CD68: variants seen among roughly 807,000 people sequenced by gnomAD.
The protein encoded by CD68 is CD68 molecule, also known as macrosialin.
Under a neutral mutation model 31.3 loss-of-function variants are expected in CD68, and 24 were observed. That is an observed-to-expected ratio of 0.77 (90% CI 0.55 to 1.08). CD68 has a LOEUF of 1.08. Among genes scored for constraint, CD68 ranks in the 50% least tolerant of loss-of-function variants. CD68 has a pLI of 0.00. For synonymous variants in CD68, 190 were observed against 179.6 expected (o/e 1.06, Z -0.46); for missense variants, 461 against 442.5 (o/e 1.04, Z -0.38).
Position 7,580,938 on chromosome 17 carries a change from A to T in CD68, c.803A>T (p.Gln268Leu). ...SAQNASLRDLQAPLGQSFSCS... is the reference protein window; with the variant it reads ...SAQNASLRDLLAPLGQSFSCS... ...CAGAATGCATCCCTTCGAGATCTCC[A>T]AGCACCCCTGGGGCAGAGCTTCAGT... is the stretch of plus-strand genomic sequence containing the variant. The change falls in exon 5 of 6, where the codon CAA becomes CTA. Residue 268 changes from glutamine to leucine, a missense_variant. Coordinates refer to ENST00000250092, the MANE Select transcript of CD68 (RefSeq NM_001251.3). The surrounding 1 kb of genome is among the most constrained non-coding windows in gnomAD (Gnocchi z 4.3). 1 of 1,613,864 alleles carries T rather than the reference A, an allele frequency of 6.2e-7. No homozygotes were observed. The highest frequency in any genetic ancestry group is 2.2e-5 in the East Asian group (1 of 44,856).
At position 7,580,419 on chromosome 17, in the gene CD68, C is replaced by A. The variant is rs201340073; in HGVS notation, c.568-47C>A. On this transcript the variant is annotated intron_variant, in intron 2 of 5. Transcript: ENST00000250092. The surrounding 1 kb of genome is among the most constrained non-coding windows in gnomAD (Gnocchi z 4.3). ...GGAAGAGGGGACAGGGAACCTTGGC[C>A]GGCATCGCATGCAGTCTTGTGACCT... The A allele has an allele frequency of 2.5e-6, 4 of 1,611,376 alleles. No homozygotes were observed. The African/African-American group carries it at 5.3e-5, about 22-fold the overall frequency.
chr17:7,581,099 C>T (rs1247600427), intron 5 of CD68, 33 bp downstream of exon 5: 4 of 1,579,344 alleles, frequency 2.5e-6, no homozygotes, highest in Non-Finnish European at 3.5e-6. Context: ...CTCCTAGAAT[C>T]CTCCCACTGC....
Position 7,579,886 on chromosome 17 carries a change from TAC to T in CD68, c.128_129del (p.Thr43ArgfsTer54). 1 of 1,613,694 alleles carries T rather than the reference TAC, an allele frequency of 6.2e-7. No homozygotes were observed. The highest frequency in any genetic ancestry group is 8.5e-7 in the Non-Finnish European group (1 of 1,179,920). On this transcript the variant is annotated frameshift_variant, in exon 2 of 6. Coordinates refer to ENST00000250092, the MANE Select transcript of CD68 (RefSeq NM_001251.3). LOFTEE classifies it high-confidence loss of function. ...LPSFTVTPTV[T>X]ESTGTTSHRT... ...CATCCTTCACGGTGACACCCACGGT[TAC>T]AGAGAGCACTGGAACAACCAGCCAC...
At position 7,579,838 on chromosome 17, in the gene CD68, C is replaced by A; in HGVS notation, c.78C>A (p.His26Gln). ...AAQGTGNDCP[H>Q]KKSATLLPSF... is the part of the protein sequence containing the mutation. The stretch of plus-strand genomic sequence containing the variant: ...AGGGGACAGGGAATGACTGTCCTCA[C>A]AAAAAATCAGCTACTTTGCTGCCAT... The change falls in exon 2 of 6, where the codon CAC becomes CAA. Residue 26 changes from histidine to glutamine, a missense_variant. Coordinates refer to ENST00000250092, the MANE Select transcript of CD68 (RefSeq NM_001251.3). 1.2e-6 allele frequency: 2 copies of A among 1,613,828 alleles called. No homozygotes were observed. Among genetic ancestry groups the A allele is most frequent in the Non-Finnish European group, 1.7e-6 (2 of 1,179,900 alleles).
At position 7,581,002 on chromosome 17, in the gene CD68, C is replaced by A. The variant is rs766046163; in HGVS notation, c.867C>A (p.His289Gln). 1 of 1,613,954 alleles carries A rather than the reference C, an allele frequency of 6.2e-7. No individual in the cohort carries two copies. Among genetic ancestry groups the A allele is most frequent in the African/African-American group, 1.3e-5 (1 of 74,900 alleles). The change falls in exon 5 of 6, where the codon CAC becomes CAA. Residue 289 changes from histidine to glutamine, a missense_variant. Coordinates refer to ENST00000250092, the MANE Select transcript of CD68 (RefSeq NM_001251.3). ...NSSIILSPAV[H>Q]LDLLSLRLQA... ...GCATCATTCTTTCACCAGCTGTCCA[C>A]CTCGACCTGCTCTCCCTGAGGCTCC...
Position 7,580,882 on chromosome 17 carries a change from C to T in CD68, c.761-14C>T, listed in dbSNP as rs1162739077. On this transcript the variant is annotated splice_polypyrimidine_tract_variant and intron_variant, in intron 4 of 5. Coordinates refer to ENST00000250092, the MANE Select transcript of CD68 (RefSeq NM_001251.3). The surrounding 1 kb of genome is among the most constrained non-coding windows in gnomAD (Gnocchi z 4.3). ...GGGAGGTGGATAGGATCTGACCCTT[C>T]CTCACTCCTCCAGAGTGGACATTCT... 11 of 1,613,904 alleles carry T rather than the reference C, an allele frequency of 6.8e-6. No individual in the cohort carries two copies. The Admixed American group carries it at 1.5e-4, about 22-fold the overall frequency.
chr17:7,581,160 C>A, intron 5 of CD68, 94 bp downstream of exon 5: 3 of 1,261,878 alleles, frequency 2.4e-6, no homozygotes, highest in South Asian at 1.3e-5. Flanking sequence ...TCTTCTTAAC[C>A]CCCCAAATCT....
chr17:7,580,081 C>T lies in CD68; in HGVS notation c.321C>T (p.Ala107=). 1 of 1,614,060 alleles carries T rather than the reference C, an allele frequency of 6.2e-7. No homozygotes were observed. Among genetic ancestry groups the T allele is most frequent in the South Asian group, 1.1e-5 (1 of 91,070 alleles). Residue 107 remains alanine (A), a synonymous_variant, in exon 2 of 6, where the codon GCC becomes GCT. Transcript: ENST00000250092. This position sits in a 1 kb window ranked among gnomAD's most constrained non-coding sequence, Gnocchi z 4.3. The part of the protein sequence containing the change: ...STATSQGPST[A]THSPATTSHG... ...CCACCAGCCAGGGACCCTCAACTGCCACTCACAGTCCTGCCACCACTAGTC... is the reference window on the plus strand; with the variant it reads ...CCACCAGCCAGGGACCCTCAACTGCTACTCACAGTCCTGCCACCACTAGTC...
rs776431516 is a variant in CD68, at chr17:7,580,359, G to A, written c.567+32G>A. The A allele has an allele frequency of 6.2e-7, 1 of 1,608,090 alleles. No individual in the cohort carries two copies. The highest frequency in any genetic ancestry group is 2.2e-5 in the East Asian group (1 of 44,754). Reference sequence around the variant, plus strand: ...CTAAAACTGGGGGATGAGAGGGGAGGGAGGCAGGACTGGATATAGGCTCAG... The same window carrying A: ...CTAAAACTGGGGGATGAGAGGGGAGAGAGGCAGGACTGGATATAGGCTCAG... On this transcript the variant is annotated intron_variant, in intron 2 of 5. Transcript: ENST00000250092. The surrounding 1 kb of genome is among the most constrained non-coding windows in gnomAD (Gnocchi z 4.3).
Position 7,581,007 on chromosome 17 carries a change from A to C in CD68, c.872A>C (p.Asp291Ala), listed in dbSNP as rs1326641328. 1.9e-6 allele frequency: 3 copies of C among 1,613,990 alleles called. No individual in the cohort carries two copies. The Admixed American group carries it at 5.0e-5, about 27-fold the overall frequency. Residue 291 changes from aspartate to alanine, a missense_variant, in exon 5 of 6, where the codon GAC (aspartate) becomes GCC (alanine). By Grantham distance (126) the Asp-to-Ala change is moderately radical (BLOSUM62 -2). Transcript: ENST00000250092. ...SIILSPAVHL[D>A]LLSLRLQAAQ... ...ATTCTTTCACCAGCTGTCCACCTCGACCTGCTCTCCCTGAGGCTCCAGGCT... is the reference window on the plus strand; with the variant it reads ...ATTCTTTCACCAGCTGTCCACCTCGCCCTGCTCTCCCTGAGGCTCCAGGCT...
chr17:7,580,239 A>C lies in CD68; in HGVS notation c.479A>C (p.Tyr160Ser), dbSNP rs759966704. The C allele has an allele frequency of 3.1e-6, 5 of 1,613,626 alleles. No individual in the cohort carries two copies. The highest frequency in any genetic ancestry group is 4.2e-6 in the Non-Finnish European group (5 of 1,179,908). Residue 160 changes from tyrosine (Y) to serine (S), a missense_variant, in exon 2 of 6, where the codon TAC becomes TCC. Transcript: ENST00000250092. This position sits in a 1 kb window ranked among gnomAD's most constrained non-coding sequence, Gnocchi z 4.3. ...ACCTCCAAGGAGACCATTGGAGACT[A>C]CACGTGGACCAATGGTTCCCAGCCC... Reference protein sequence around the residue: ...SPTSKETIGDYTWTNGSQPCV... With the variant: ...SPTSKETIGDSTWTNGSQPCV...
chr17:7,580,327 G>C lies in CD68; in HGVS notation c.567G>C (p.Glu189Asp), dbSNP rs779186890. The C allele has an allele frequency of 9.3e-6, 15 of 1,611,094 alleles. No individual in the cohort carries two copies. The highest frequency in any genetic ancestry group is 1.3e-5 in the Non-Finnish European group (15 of 1,177,742). Residue 189 changes from glutamate (E) to aspartate (D), a missense_variant and splice_region_variant, in exon 2 of 6, where the codon GAG becomes GAC. Physicochemically the swap from Glu to Asp is conservative, Grantham distance 45. Coordinates refer to ENST00000250092, the MANE Select transcript of CD68 (RefSeq NM_001251.3). This position sits in a 1 kb window ranked among gnomAD's most constrained non-coding sequence, Gnocchi z 4.3. The part of the protein sequence containing the change: ...RVMYTTQGGG[E>D]AWGISVLNPN... ...TGTACACAACCCAGGGTGGAGGAGA[G>C]GTAAAGCTAAAACTGGGGGATGAGA...
rs759530789 is a variant in CD68, at chr17:7,579,870, C to T, written c.110C>T (p.Thr37Met). Residue 37 changes from threonine (T) to methionine (M), a missense_variant, in exon 2 of 6, where the codon ACG (threonine) becomes ATG (methionine). By Grantham distance (81) the Thr-to-Met change is moderately conservative. Coordinates refer to ENST00000250092, the MANE Select transcript of CD68 (RefSeq NM_001251.3). ...KKSATLLPSF[T>M]VTPTVTESTG... ...TCAGCTACTTTGCTGCCATCCTTCA[C>T]GGTGACACCCACGGTTACAGAGAGC... The T allele has an allele frequency of 1.5e-5, 24 of 1,613,918 alleles. No individual in the cohort carries two copies. Among genetic ancestry groups the T allele is most frequent in the East Asian group, 2.2e-5 (1 of 44,880 alleles).
In CD68 at chr17:7,581,542, G is replaced by T. The variant is rs755021833; in HGVS notation, c.*31G>T. 32 of 1,612,748 alleles carry T rather than the reference G, an allele frequency of 2.0e-5. No individual in the cohort carries two copies. The South Asian group carries it at 3.4e-4, about 17-fold the overall frequency. ...TGCTTCAAACCCCAGGGCACTGAGG[G>T]GGTTGGGGTGTGGTGGGGGGGTACC... On this transcript the variant is annotated 3_prime_UTR_variant, in exon 6 of 6. Coordinates refer to ENST00000250092, the MANE Select transcript of CD68 (RefSeq NM_001251.3).
rs909615988 is a variant in CD68 at position 7,580,774 on chromosome 17, C to A, written c.751C>A (p.His251Asn). Reference sequence around the variant, plus strand: ...GGTGGAGTACAATGTGTCCTTCCCCCACGCAGCACGTAAGTAACCTCCTTC... The same window carrying A: ...GGTGGAGTACAATGTGTCCTTCCCCAACGCAGCACGTAAGTAACCTCCTTC... ...MAVEYNVSFPHAAQWTFSAQN... is the reference protein window; with the variant it reads ...MAVEYNVSFPNAAQWTFSAQN... The change falls in exon 4 of 6, where the codon CAC (histidine) becomes AAC (asparagine). Residue 251 changes from histidine (H) to asparagine (N), a missense_variant. His to Asn is a moderately conservative substitution (Grantham distance 68). Coordinates refer to ENST00000250092, the MANE Select transcript of CD68 (RefSeq NM_001251.3). This position sits in a 1 kb window ranked among gnomAD's most constrained non-coding sequence, Gnocchi z 4.3. 1.9e-6 allele frequency: 3 copies of A among 1,613,948 alleles called. No homozygotes were observed. The highest frequency in any genetic ancestry group is 1.7e-6 in the Non-Finnish European group (2 of 1,179,996).
chr17:7,579,843 A>C lies in CD68; in HGVS notation c.83A>C (p.Lys28Thr), dbSNP rs2071459588. ...ACAGGGAATGACTGTCCTCACAAAAAATCAGCTACTTTGCTGCCATCCTTC... is the reference window on the plus strand; with the variant it reads ...ACAGGGAATGACTGTCCTCACAAAACATCAGCTACTTTGCTGCCATCCTTC... ...QGTGNDCPHK[K>T]SATLLPSFTV... The change falls in exon 2 of 6, where the codon AAA (lysine) becomes ACA (threonine). Residue 28 changes from lysine to threonine, a missense_variant. Physicochemically the swap from Lys to Thr is moderately conservative, Grantham distance 78. Transcript: ENST00000250092. 2 of 1,613,718 alleles carry C rather than the reference A, an allele frequency of 1.2e-6. No homozygotes were observed. Among genetic ancestry groups the C allele is most frequent in the Admixed American group, 1.7e-5 (1 of 59,990 alleles).
Position 7,580,996 on chromosome 17 carries a change from T to C in CD68, c.861T>C (p.Ala287=). The part of the protein sequence containing the change: ...CSNSSIILSP[A]VHLDLLSLRL... ...ACTCGAGCATCATTCTTTCACCAGCTGTCCACCTCGACCTGCTCTCCCTGA... is the reference window on the plus strand; with the variant it reads ...ACTCGAGCATCATTCTTTCACCAGCCGTCCACCTCGACCTGCTCTCCCTGA... The change falls in exon 5 of 6, where the codon GCT becomes GCC. Residue 287 remains alanine, a synonymous_variant. Transcript: ENST00000250092. This position sits in a 1 kb window ranked among gnomAD's most constrained non-coding sequence, Gnocchi z 4.3. The C allele has an allele frequency of 6.2e-7, 1 of 1,614,042 alleles. No homozygotes were observed. Among genetic ancestry groups the C allele is most frequent in the Non-Finnish European group, 8.5e-7 (1 of 1,179,964 alleles).
Position 7,580,198 on chromosome 17 carries a change from T to G in CD68, c.438T>G (p.Ser146=), listed in dbSNP as rs745764572. 1.2e-6 allele frequency: 2 copies of G among 1,613,112 alleles called. No homozygotes were observed. Among genetic ancestry groups the G allele is most frequent in the South Asian group, 2.2e-5 (2 of 90,962 alleles). The change falls in exon 2 of 6, where the codon TCT becomes TCG. Residue 146 remains serine, a synonymous_variant. Transcript: ENST00000250092. This position sits in a 1 kb window ranked among gnomAD's most constrained non-coding sequence, Gnocchi z 4.3. ...SSAHPEPPPP[S]PSPSPTSKET... is the part of the protein sequence containing the mutation. ...CCCACCCAGAACCACCTCCACCCTC[T>G]CCGAGTCCTAGCCCAACCTCCAAGG... is the stretch of plus-strand genomic sequence containing the variant.
chr17:7,579,763 G>A, intron 1 of CD68, 37 bp downstream of exon 1: 1 of 1,603,108 alleles, frequency 6.2e-7, no homozygotes, highest in Admixed American at 1.7e-5. Context: ...GGGGCCCCTG[G>A]GAGGGAGCCT....
Sources: allele counts gnomAD v4.1 joint callset, GRCh38; gene constraint gnomAD v4.1.1; non-coding constraint Gnocchi (gnomAD v3.1); transcripts MANE v1.5; gene names NCBI Gene and HGNC (gene_info 2026-07-23, HGNC 2026-07-21).